GALNT9: variants seen among roughly 807,000 people sequenced by gnomAD.
The protein encoded by GALNT9 is polypeptide N-acetylgalactosaminyltransferase 9.
Under a neutral mutation model 63.1 loss-of-function variants are expected in GALNT9, and 47 were observed. That is an observed-to-expected ratio of 0.75 (90% CI 0.59 to 0.95). The LOEUF is 0.95. GALNT9 is among the 40% of genes least tolerant of loss of function. The pLI, the probability that GALNT9 is intolerant of heterozygous loss-of-function variation, is 0.00. For missense variants in GALNT9, 829 were observed against 874.8 expected (o/e 0.95, Z 0.66); for synonymous variants, 396 against 365.7 (o/e 1.08, Z -0.94).
chr12:132,291,493 A>G (rs2135566894), intron 1 of GALNT9, among the ~76,000 whole-genome samples: 1 of 145,640 alleles, frequency 6.9e-6, no homozygotes, highest in Non-Finnish European at 1.5e-5. Context: ...ACCCACAACC[A>G]CAGCGCCCAC....
chr12:132,287,971 G>A (rs1188775747), intron 1 of GALNT9, among the ~76,000 whole-genome samples: 5 of 152,224 alleles, frequency 3.3e-5, no homozygotes, highest in African/African-American at 1.2e-4. Context: ...ATGGACCCCT[G>A]AGGCTGGGCT....
chr12:132,199,433 C>T (rs1875822222), intron 8 of GALNT9, among the ~76,000 whole-genome samples, 164 bp from the exon 9 acceptor site: 3 of 152,078 alleles, frequency 2.0e-5, no homozygotes, highest in Admixed American at 2.0e-4. Flanking sequence ...GAAGGGGTGG[C>T]TGACCGAGTT....
rs1202262322 is a variant in GALNT9 at position 132,197,118 on chromosome 12, C to T, written c.1801G>A (p.Ala601Thr). 21 of 1,614,144 alleles carry T rather than the reference C, an allele frequency of 1.3e-5. No homozygotes were observed. Among genetic ancestry groups the T allele is most frequent in the Non-Finnish European group, 1.8e-5 (21 of 1,180,000 alleles). ...KWMIRNWIKHARH is the reference protein window; with the variant it reads ...KWMIRNWIKHTRH ...GGGCGGAGGTGGGGTCAGTGCCGTG[C>T]GTGTTTGATCCAGTTTCTGATCATC... Residue 601 changes from alanine to threonine, a missense_variant, in exon 11 of 11, where the codon GCA becomes ACA. Physicochemically the swap from Ala to Thr is moderately conservative, Grantham distance 58. Coordinates refer to ENST00000328957, the MANE Select transcript of GALNT9 (RefSeq NM_001122636.2).
Position 132,265,362 on chromosome 12 carries a change from ACAGT to A in GALNT9, c.420-2741_420-2738del, listed in dbSNP as rs1555240105. ...GTGTCCTCCTCCCGCGACCCAAGACACAGTGTCAGCAGGACATGGGCCTCTGTCT... is the reference window on the plus strand; with the variant it reads ...GTGTCCTCCTCCCGCGACCCAAGACAGTCAGCAGGACATGGGCCTCTGTCT... On this transcript the variant is annotated intron_variant, in intron 2 of 10. Transcript: ENST00000328957. The surrounding 1 kb of genome is among the most constrained non-coding windows in gnomAD (Gnocchi z 5.3). 6.6e-6 allele frequency among the ~76,000 whole-genome samples: 1 copy of A among 152,152 alleles called. No individual in the cohort carries two copies. The highest frequency in any genetic ancestry group is 6.5e-5 in the Admixed American group (1 of 15,278).
intron 8 of GALNT9, 137 bp from the exon 9 acceptor site, chr12:132,199,406 C>T (rs1875818756): frequency 4.8e-6 from 3 of 631,084 alleles, no homozygotes; most frequent in East Asian, 2.8e-5. Context: ...GATGCTCTGG[C>T]CGGGTGGGCT....
chr12:132,247,187 A>C (rs1555238054), intron 6 of GALNT9, among the ~76,000 whole-genome samples: 1 of 151,924 alleles, frequency 6.6e-6, no homozygotes, highest in Non-Finnish European at 1.5e-5. Context: ...CCCAGCTCAG[A>C]GCCTCACACA....
At chr12:132,302,229 TACACACACACACACAC>T (rs56317485) in intron 1 of GALNT9, among the ~76,000 whole-genome samples, 2 of 143,722 alleles carry the variant, frequency 1.4e-5, no homozygotes, top group South Asian at 2.3e-4. Flanking sequence ...TAGAAAATTC[TACACACACACACACAC>T]ACACACACAC....
At chr12:132,285,516 C>T (rs1380381638) in intron 2 of GALNT9, among the ~76,000 whole-genome samples, 1 of 152,258 alleles carries the variant, frequency 6.6e-6, no homozygotes, top group Non-Finnish European at 1.5e-5. Flanking sequence ...GCCGTGGCGG[C>T]CAGGGCCCGG....
chr12:132,294,061 T>C (rs1406194203), intron 1 of GALNT9, among the ~76,000 whole-genome samples: 2 of 152,330 alleles, frequency 1.3e-5, no homozygotes, highest in African/African-American at 4.8e-5. Flanking sequence ...GTAGGAACAT[T>C]TGCAAACACA....
rs782707781 is a variant in GALNT9, at chr12:132,286,327, AT to A, written c.341del (p.Tyr114LeufsTer31). 3 of 1,551,212 alleles carry A rather than the reference AT, an allele frequency of 1.9e-6. No individual in the cohort carries two copies. The South Asian group carries it at 3.6e-5, about 18-fold the overall frequency. ...GCTGAGCGTTGTAGCCGTACTCCTC[AT>A]ACTTGCCTTCCGCCTCCTGGCCGTC... The part of the protein sequence containing the change: ...RDDGQEAEGK[Y>X]EEYGYNAQLS... On this transcript the variant is annotated frameshift_variant, in exon 2 of 11. Transcript: ENST00000328957. LOFTEE classifies it high-confidence loss of function. The surrounding 1 kb of genome is among the most constrained non-coding windows in gnomAD (Gnocchi z 7.4).
rs1473390354 is a variant in GALNT9 at position 132,312,594 on chromosome 12, CTG to C, written c.238+16370_238+16371del. On this transcript the variant is annotated intron_variant, in intron 1 of 10. Coordinates refer to ENST00000328957, the MANE Select transcript of GALNT9 (RefSeq NM_001122636.2). ...TCAGCTCTCTGCTCAAATCCTGACT[CTG>C]GAATCTCCTGGAAATGCCTGTCCTT... Among the ~76,000 whole-genome samples the C allele has an allele frequency of 9.8e-5, 15 of 152,344 alleles. No individual in the cohort carries two copies. The East Asian group carries it at 2.9e-3, about 29-fold the overall frequency.
intron 1 of GALNT9, among the ~76,000 whole-genome samples, chr12:132,306,499 C>T (rs1245373023): frequency 1.3e-5 from 2 of 152,202 alleles, no homozygotes; most frequent in African/African-American, 2.4e-5. Flanking sequence ...GGGGTCTAGA[C>T]TGTGGGCAAC....
At chr12:132,276,963 C>T (rs1880120950) in intron 2 of GALNT9, among the ~76,000 whole-genome samples, 1 of 152,114 alleles carries the variant, frequency 6.6e-6, no homozygotes, top group Admixed American at 6.5e-5. Context: ...CATGTACATA[C>T]ATCTCACACA....
chr12:132,297,544 G>A (rs1272032248), intron 1 of GALNT9, among the ~76,000 whole-genome samples: 4 of 148,544 alleles, frequency 2.7e-5, no homozygotes, highest in Non-Finnish European at 5.9e-5. Flanking sequence ...AATCACTCCC[G>A]AGATAAACAA....
intron 1 of GALNT9, among the ~76,000 whole-genome samples, chr12:132,309,736 G>C (rs1402356427): frequency 6.6e-6 from 1 of 152,220 alleles, no homozygotes; most frequent in Non-Finnish European, 1.5e-5. Flanking sequence ...AACAGAGAGA[G>C]CGTAAGTCTC....
At chr12:132,213,853 G>A (rs564089914) in intron 6 of GALNT9, among the ~76,000 whole-genome samples, 1 of 152,232 alleles carries the variant, frequency 6.6e-6, no homozygotes, top group African/African-American at 2.4e-5. Flanking sequence ...AAAGAGCCTC[G>A]ACTGCATCAG....
intron 1 of GALNT9, among the ~76,000 whole-genome samples, chr12:132,308,823 A>C (rs1469386360): frequency 6.6e-6 from 1 of 151,624 alleles, no homozygotes; most frequent in Admixed American, 6.6e-5. Flanking sequence ...GGCCGTCCTC[A>C]CACCTCACCC....
At chr12:132,225,655 AC>A (rs1218916943) in intron 6 of GALNT9, among the ~76,000 whole-genome samples, 12 of 141,500 alleles carry the variant, frequency 8.5e-5, no homozygotes, top group African/African-American at 3.2e-4. Context: ...GTATATACAC[AC>A]CCCACACACA....
At chr12:132,251,787 C>G (rs1350834772) in intron 5 of GALNT9, among the ~76,000 whole-genome samples, 1 of 152,186 alleles carries the variant, frequency 6.6e-6, no homozygotes, top group Non-Finnish European at 1.5e-5. Flanking sequence ...GGCCTGGTGT[C>G]AGCACAGCCC....
Sources: allele counts gnomAD v4.1 joint callset (sites outside exome capture counted in the v4.1 genomes callset), GRCh38; gene constraint gnomAD v4.1.1; non-coding constraint Gnocchi (gnomAD v3.1); transcripts MANE v1.5; gene names NCBI Gene and HGNC (gene_info 2026-07-23, HGNC 2026-07-21).